RHOU: variants seen among roughly 807,000 people sequenced by gnomAD.
The protein encoded by RHOU is rho-related GTP-binding protein RhoU.
RHOU carries 8 observed loss-of-function variants against 12.6 expected under a neutral mutation model. The observed-to-expected ratio is 0.64, with a 90% CI of 0.37 to 1.15. The LOEUF is 1.15. Among genes scored for constraint, RHOU ranks in the 50% most tolerant of loss-of-function variants. The pLI is 0.01. For missense variants in RHOU, 258 were observed against 347.0 expected, an observed-to-expected ratio of 0.74 and a Z score of 2.04; for synonymous variants, 161 against 147.4, an observed-to-expected ratio of 1.09 and a Z score of -0.67.
chr1:228,740,226 G>C (rs1662692873), intron 2 of RHOU, among the ~76,000 whole-genome samples: 1 of 152,114 alleles, frequency 6.6e-6, no homozygotes, highest in Non-Finnish European at 1.5e-5. Flanking sequence ...GAAAAACGAA[G>C]GTTTTGGTGC....
chr1:228,646,840 C>T, the RHOU span, among the ~76,000 whole-genome samples: 7 of 151,758 alleles, frequency 4.6e-5, no homozygotes, highest in Admixed American at 2.0e-4. Flanking sequence ...ACACACACGG[C>T]TTGAAGGAGA....
Position 228,738,856 on chromosome 1 carries a change from G to A in RHOU, c.321+1125G>A, listed in dbSNP as rs1662665303. Reference sequence around the variant, plus strand: ...GTAGAAAACAAAAATCAGGCTGGGTGTGGTGGCTCATGCTCTTTGGGAGGC... The same window carrying A: ...GTAGAAAACAAAAATCAGGCTGGGTATGGTGGCTCATGCTCTTTGGGAGGC... On this transcript the variant is annotated intron_variant, in intron 2 of 2. Transcript: ENST00000366691. The surrounding 1 kb of genome is among the most constrained non-coding windows in gnomAD (Gnocchi z 4.2). Among the ~76,000 whole-genome samples the A allele has an allele frequency of 1.3e-5, 2 of 152,206 alleles. No individual in the cohort carries two copies. The highest frequency in any genetic ancestry group is 4.1e-4 in the South Asian group (2 of 4,826).
At chr1:228,681,618 C>A in the RHOU span, among the ~76,000 whole-genome samples, 1 of 151,960 alleles carries the variant, frequency 6.6e-6, no homozygotes, top group Admixed American at 6.6e-5. Context: ...ATCTAGGTCT[C>A]GTGGGATGGA....
the RHOU span, among the ~76,000 whole-genome samples, chr1:228,711,502 C>T: frequency 2.6e-5 from 4 of 152,122 alleles, no homozygotes; most frequent in East Asian, 7.7e-4. Flanking sequence ...AGAAATAACG[C>T]CGCATATCTA....
the RHOU span, among the ~76,000 whole-genome samples, chr1:228,676,405 A>C: frequency 1.3e-5 from 2 of 152,056 alleles, no homozygotes; most frequent in Non-Finnish European, 2.9e-5. Context: ...TAATCCTAGC[A>C]CTTTGGATTT....
At chr1:228,650,835 T>A in the RHOU span, 177 of 412,840 alleles carry the variant, frequency 4.3e-4, 1 homozygote, top group African/African-American at 3.5e-3. Flanking sequence ...AAGCTATACA[T>A]CACAGCCCAG....
chr1:228,678,559 T>C, the RHOU span, among the ~76,000 whole-genome samples: 1 of 152,156 alleles, frequency 6.6e-6, no homozygotes, highest in East Asian at 1.9e-4. Flanking sequence ...GAAGAGTTTT[T>C]ATTAAAGAGG....
At chr1:228,675,018 C>T in the RHOU span, among the ~76,000 whole-genome samples, 1 of 151,948 alleles carries the variant, frequency 6.6e-6, no homozygotes, top group Non-Finnish European at 1.5e-5. Flanking sequence ...CGTGAGCCAC[C>T]GTGCCTGGCC....
At chr1:228,666,813 G>A in the RHOU span, among the ~76,000 whole-genome samples, 1 of 152,156 alleles carries the variant, frequency 6.6e-6, no homozygotes, top group Non-Finnish European at 1.5e-5. Flanking sequence ...CCTGTAAAAT[G>A]TTACAGCAAT....
the RHOU span, among the ~76,000 whole-genome samples, chr1:228,707,016 TC>T: frequency 6.7e-6 from 1 of 149,242 alleles, no homozygotes; most frequent in Non-Finnish European, 1.5e-5. Flanking sequence ...TTGCCTCGTT[TC>T]TTATCCTATT....
chr1:228,687,594 T>A, the RHOU span: 4 of 1,569,400 alleles, frequency 2.5e-6, no homozygotes, highest in Non-Finnish European at 3.5e-6. Context: ...TGCATTACAT[T>A]TGGAAAAAAG....
chr1:228,650,692 C>T, the RHOU span: 9 of 484,602 alleles, frequency 1.9e-5, no homozygotes, highest in South Asian at 9.2e-5. Flanking sequence ...GAGCTCTCAT[C>T]AGCCAGTGTG....
chr1:228,693,648 A>G, the RHOU span, among the ~76,000 whole-genome samples: 1 of 152,040 alleles, frequency 6.6e-6, no homozygotes, highest in Non-Finnish European at 1.5e-5. Flanking sequence ...TTGTATTTTC[A>G]GTAGAGACGG....
the RHOU span, chr1:228,650,449 C>T: frequency 1.6e-4 from 71 of 456,718 alleles, 1 homozygote; most frequent in Middle Eastern, 2.9e-3. Context: ...CCAGATGCCT[C>T]GGAGCACGCT....
At chr1:228,647,323 C>A in the RHOU span, among the ~76,000 whole-genome samples, 2 of 152,202 alleles carry the variant, frequency 1.3e-5, no homozygotes, top group Non-Finnish European at 2.9e-5. Context: ...CAGTGGGCCC[C>A]GAGATTTGCA....
At chr1:228,658,324 C>T in the RHOU span, among the ~76,000 whole-genome samples, 1 of 147,062 alleles carries the variant, frequency 6.8e-6, no homozygotes, top group Non-Finnish European at 1.5e-5. Flanking sequence ...AAGGTGGATT[C>T]TTTAGGTGAT....
the RHOU span, among the ~76,000 whole-genome samples, chr1:228,673,219 C>T: frequency 6.6e-6 from 1 of 152,162 alleles, no homozygotes; most frequent in Non-Finnish European, 1.5e-5. Flanking sequence ...CTTCACGGGA[C>T]ACCACTAATC....
the RHOU span, among the ~76,000 whole-genome samples, chr1:228,692,987 C>T: frequency 6.6e-6 from 1 of 152,116 alleles, no homozygotes; most frequent in Admixed American, 6.5e-5. Flanking sequence ...CCACCATACA[C>T]ACTGAGCAGA....
chr1:228,685,324 A>G, the RHOU span, among the ~76,000 whole-genome samples: 3 of 152,174 alleles, frequency 2.0e-5, no homozygotes, highest in Admixed American at 2.0e-4. Context: ...CCTCAGCCTT[A>G]TTTTACCCAG....
Sources: allele counts gnomAD v4.1 joint callset (sites outside exome capture counted in the v4.1 genomes callset), GRCh38; gene constraint gnomAD v4.1.1; non-coding constraint Gnocchi (gnomAD v3.1); transcripts MANE v1.5; gene names NCBI Gene and HGNC (gene_info 2026-07-23, HGNC 2026-07-21).